Variants in ROCK2 observed in about 807,000 individuals in gnomAD.
The protein encoded by ROCK2 is rho-associated protein kinase 2.
ROCK2 carries 61 observed loss-of-function variants against 195.1 expected under a neutral mutation model. That is an observed-to-expected ratio of 0.31 (90% CI 0.25 to 0.39). The LOEUF (loss-of-function observed/expected upper bound fraction) is 0.39, where lower values mean the gene tolerates loss of function less well. Among genes scored for constraint, ROCK2 ranks in the 10% least tolerant of loss-of-function variants. The pLI is 1.00. For synonymous variants in ROCK2, 504 were observed against 545.5 expected (o/e 0.92, Z 1.06); for missense variants, 1,109 against 1,637.4 (o/e 0.68, Z 5.57).
intron 1 of ROCK2, among the ~76,000 whole-genome samples, chr2:11,330,861 G>GAAA (rs1668718667): frequency 1.7e-5 from 1 of 60,256 alleles, no homozygotes; most frequent in Non-Finnish European, 3.5e-5. Context: ...GGAGGAAGAG[G>GAAA]GAGGAGGAGG....
chr2:11,218,902 G>T, intron 10 of ROCK2, 64 bp downstream of exon 10: 1 of 924,604 alleles, frequency 1.1e-6, no homozygotes, highest in Admixed American at 2.5e-5. Flanking sequence ...TTAAAAACAT[G>T]GGGATTACTA....
At chr2:11,279,813 G>GA (rs1386612867) in intron 3 of ROCK2, among the ~76,000 whole-genome samples, 1 of 152,122 alleles carries the variant, frequency 6.6e-6, no homozygotes, top group Non-Finnish European at 1.5e-5. Context: ...ACTTCAAATA[G>GA]AAATCATACT....
chr2:11,319,129 A>G (rs918684470), intron 1 of ROCK2, among the ~76,000 whole-genome samples: 1 of 152,134 alleles, frequency 6.6e-6, no homozygotes, highest in Non-Finnish European at 1.5e-5. Context: ...AGTTTTTTCC[A>G]ATTCTGTGAA....
In ROCK2 at chr2:11,222,656, A is replaced by C. The variant is rs1425595665; in HGVS notation, c.1008-482T>G. Among the ~76,000 whole-genome samples the C allele has an allele frequency of 3.3e-5, 5 of 152,298 alleles. No individual in the cohort carries two copies. The East Asian group carries it at 7.7e-4, about 23-fold the overall frequency. On this transcript the variant is annotated intron_variant, in intron 7 of 32. Transcript: ENST00000315872. ...ATTTATTCTGGTAAAGTATATCTCT[A>C]CATGTATATTAAACTTATCATTCTG...
chr2:11,222,721 CCT>C (rs1023215336), intron 7 of ROCK2, among the ~76,000 whole-genome samples: 31 of 151,880 alleles, frequency 2.0e-4, no homozygotes, highest in African/African-American at 7.2e-4. Context: ...ATTCTTTGAC[CCT>C]CTGAGTCTTC....
chr2:11,207,797 C>T lies in ROCK2; in HGVS notation c.2478G>A (p.Gln826=), dbSNP rs1664105585. The change falls in exon 20 of 33, where the codon CAG becomes CAA. Residue 826 remains glutamine, a synonymous_variant. Transcript: ENST00000315872. ...TGAGATGGTTATTTTCTTGCTTTAA[C>T]TGCTTTTCTGACATTTTTAGTGTGT... ...QVNTLKMSEK[Q]LKQENNHLME... 1.9e-6 allele frequency: 3 copies of T among 1,612,304 alleles called. No individual in the cohort carries two copies. The highest frequency in any genetic ancestry group is 1.6e-4 in the Middle Eastern group (1 of 6,076).
Position 11,208,433 on chromosome 2 carries a change from G to T in ROCK2, c.2218C>A (p.Leu740Ile). 1 of 1,505,202 alleles carries T rather than the reference G, an allele frequency of 6.6e-7. No homozygotes were observed. Among genetic ancestry groups the T allele is most frequent in the Non-Finnish European group, 9.0e-7 (1 of 1,116,180 alleles). The allele number at this position is 1,505,202 out of a possible 1,614,324, so 93.2% of individuals were successfully genotyped here. ...SEAMKEMEKK[L>I]LEERTLKQKV... ...TGTTTTAAAGTTCTTTCCTCCAAGA[G>T]CTTCTTCTCCATTTCTAGTATAATA... is the stretch of plus-strand genomic sequence containing the variant. Residue 740 changes from leucine (L) to isoleucine (I), a missense_variant, in exon 19 of 33, where the codon CTC becomes ATC. Leu to Ile is a conservative substitution (Grantham distance 5). Around this residue, in one of 6 missense-constraint regions of ROCK2, gnomAD observed 542 missense variants for 672.0 expected, o/e 0.81. Transcript: ENST00000315872.
chr2:11,317,581 T>TATATATAAAAAAAAAAAAAA (rs1387281133), intron 1 of ROCK2, among the ~76,000 whole-genome samples: 2 of 10,978 alleles, frequency 1.8e-4, no homozygotes, highest in African/African-American at 6.7e-4. Context: ...CACATTTATA[T>TATATATAAAAAAAAAAAAAA]ATATATATAT....
intron 9 of ROCK2, among the ~76,000 whole-genome samples, chr2:11,220,380 C>G (rs758909378): frequency 6.6e-6 from 1 of 152,050 alleles, no homozygotes; most frequent in Non-Finnish European, 1.5e-5. Context: ...AACTCCTGGG[C>G]TCAAGCTATC....
chr2:11,231,351 G>A (rs946342404), intron 5 of ROCK2, among the ~76,000 whole-genome samples: 1 of 152,010 alleles, frequency 6.6e-6, no homozygotes, highest in Non-Finnish European at 1.5e-5. Flanking sequence ...GGGACTATAG[G>A]CCCGCGCCAT....
chr2:11,291,671 G>T (rs1403584084), intron 1 of ROCK2, among the ~76,000 whole-genome samples: 3 of 152,206 alleles, frequency 2.0e-5, no homozygotes, highest in African/African-American at 7.2e-5. Flanking sequence ...ATATGATGGA[G>T]ATACCCTCTT....
intron 1 of ROCK2, among the ~76,000 whole-genome samples, chr2:11,334,142 C>T (rs1316691312): frequency 1.3e-5 from 2 of 152,096 alleles, no homozygotes; most frequent in South Asian, 4.1e-4. Context: ...GAACACATAT[C>T]AAAATGTTTA....
At chr2:11,244,556 A>C (rs1008747660) in intron 4 of ROCK2, among the ~76,000 whole-genome samples, 4 of 152,092 alleles carry the variant, frequency 2.6e-5, no homozygotes, top group Non-Finnish European at 5.9e-5. Flanking sequence ...GCTTGAGGCC[A>C]GGAGTTCGAG....
chr2:11,279,612 T>C (rs1435522607), intron 3 of ROCK2, among the ~76,000 whole-genome samples: 1 of 152,214 alleles, frequency 6.6e-6, no homozygotes. Context: ...CTATCAGAAA[T>C]GGACAGATCC....
chr2:11,276,656 G>A (rs949802389), intron 3 of ROCK2, among the ~76,000 whole-genome samples: 1 of 152,068 alleles, frequency 6.6e-6, no homozygotes, highest in African/African-American at 2.4e-5. Context: ...TAGAAATAGA[G>A]GAAATAAGTG....
intron 3 of ROCK2, among the ~76,000 whole-genome samples, chr2:11,254,727 TAAAAAA>T (rs10640683): frequency 2.6e-5 from 1 of 39,126 alleles, no homozygotes; most frequent in East Asian, 1.5e-3. Context: ...CCCTGTCTCT[TAAAAAA>T]AAAAAAAAAA....
At chr2:11,303,460 T>G (rs1458397093) in intron 1 of ROCK2, among the ~76,000 whole-genome samples, 2 of 152,010 alleles carry the variant, frequency 1.3e-5, no homozygotes, top group Non-Finnish European at 2.9e-5. Flanking sequence ...TAGCTACAGC[T>G]AATCCCTCCA....
At chr2:11,313,123 T>G (rs1668086745) in intron 1 of ROCK2, among the ~76,000 whole-genome samples, 1 of 152,116 alleles carries the variant, frequency 6.6e-6, no homozygotes, top group African/African-American at 2.4e-5. Flanking sequence ...AACTATGTAC[T>G]TCAGTTAATA....
Position 11,235,834 on chromosome 2 carries a change from T to C in ROCK2, c.591A>G (p.Glu197=). The C allele has an allele frequency of 6.2e-7, 1 of 1,614,040 alleles. No individual in the cohort carries two copies. Residue 197 remains glutamate (E), a synonymous_variant, in exon 5 of 33, where the codon GAA becomes GAG. Coordinates refer to ENST00000315872, the MANE Select transcript of ROCK2 (RefSeq NM_004850.5). The surrounding 1 kb of genome is among the most constrained non-coding windows in gnomAD (Gnocchi z 4.2). ...PEKWAKFYTA[E]VVLALDAIHS... ...GTATTGCATCCAGAGCAAGAACAACTTCAGCAGTGTAAAATTTGGCCCATT... is the reference window on the plus strand; with the variant it reads ...GTATTGCATCCAGAGCAAGAACAACCTCAGCAGTGTAAAATTTGGCCCATT...
Sources: allele counts gnomAD v4.1 joint callset (sites outside exome capture counted in the v4.1 genomes callset), GRCh38; gene constraint gnomAD v4.1.1; regional missense constraint gnomAD v4.1.1; non-coding constraint Gnocchi (gnomAD v3.1); transcripts MANE v1.5; gene names NCBI Gene and HGNC (gene_info 2026-07-23, HGNC 2026-07-21).